Variants in SGK3 observed in about 807,000 individuals in gnomAD.
The protein encoded by SGK3 is serum/glucocorticoid regulated kinase family member 3.
Under a neutral mutation model 68.5 loss-of-function variants are expected in SGK3, and 47 were observed. That is an observed-to-expected ratio of 0.69 (90% CI 0.54 to 0.87). The LOEUF (loss-of-function observed/expected upper bound fraction) is 0.87. Among genes scored for constraint, SGK3 ranks in the 40% least tolerant of loss-of-function variants. The pLI, the probability that SGK3 is intolerant of heterozygous loss-of-function variation, is 0.00. For synonymous variants in SGK3, 181 were observed against 189.1 expected (o/e 0.96, Z 0.35); for missense variants, 479 against 575.5 (o/e 0.83, Z 1.72).
intron 1 of SGK3, among the ~76,000 whole-genome samples, chr8:66,740,617 T>C (rs1805450523): frequency 6.6e-6 from 1 of 152,092 alleles, no homozygotes; most frequent in African/African-American, 2.4e-5. Context: ...CCTTAAAAAG[T>C]AGGCTGAGGC....
chr8:66,718,755 C>T (rs1586666062), intron 1 of SGK3, among the ~76,000 whole-genome samples: 1 of 151,914 alleles, frequency 6.6e-6, no homozygotes, highest in Non-Finnish European at 1.5e-5. Flanking sequence ...CTCAAACTCC[C>T]GACCTCAGAT....
chr8:66,790,031 T>C (rs898615169), intron 1 of SGK3, among the ~76,000 whole-genome samples: 4 of 152,040 alleles, frequency 2.6e-5, no homozygotes, highest in Admixed American at 2.6e-4. Context: ...TGAGCCAAGA[T>C]TGCGCCACTG....
chr8:66,723,102 TATATATATATATATATATATATATA>T (rs1386629399), intron 1 of SGK3, among the ~76,000 whole-genome samples: 6 of 30,498 alleles, frequency 2.0e-4, no homozygotes, highest in Non-Finnish European at 3.6e-4. Context: ...TATATATATA[TATATATATATATATATATATATATA>T]TATATTTTTT....
At chr8:66,800,505 G>A (rs911821326) in intron 3 of SGK3, among the ~76,000 whole-genome samples, 1 of 150,600 alleles carries the variant, frequency 6.6e-6, no homozygotes, top group African/African-American at 2.4e-5. Flanking sequence ...ATAAATATAT[G>A]CCTGTGGGTT....
intron 4 of SGK3, among the ~76,000 whole-genome samples, chr8:66,807,890 T>A (rs1808227943): frequency 6.6e-6 from 1 of 152,162 alleles, no homozygotes; most frequent in Non-Finnish European, 1.5e-5. Flanking sequence ...ATTTTTCCAG[T>A]GGAGCTAGAT....
chr8:66,810,283 A>T (rs930420788), intron 4 of SGK3, among the ~76,000 whole-genome samples: 2 of 152,226 alleles, frequency 1.3e-5, no homozygotes, highest in African/African-American at 2.4e-5. Flanking sequence ...CAGAAAAAAA[A>T]AAAATAAAAG....
At chr8:66,788,032 C>T (rs745635935) in intron 1 of SGK3, among the ~76,000 whole-genome samples, 14 of 152,190 alleles carry the variant, frequency 9.2e-5, no homozygotes, top group Admixed American at 5.9e-4. Flanking sequence ...CACTTCTGGC[C>T]GGTGCCAGCA....
chr8:66,743,466 C>T (rs889891947), intron 1 of SGK3, among the ~76,000 whole-genome samples: 4 of 152,226 alleles, frequency 2.6e-5, no homozygotes. Flanking sequence ...ATTCCACCCT[C>T]CCCACTTCAT....
At chr8:66,760,160 G>A (rs1048897598) in intron 1 of SGK3, among the ~76,000 whole-genome samples, 1 of 152,008 alleles carries the variant, frequency 6.6e-6, no homozygotes, top group Non-Finnish European at 1.5e-5. Context: ...CACTAAGTGA[G>A]TGCCTCAGAA....
chr8:66,765,591 T>G (rs2130473011), intron 1 of SGK3, among the ~76,000 whole-genome samples: 1 of 152,308 alleles, frequency 6.6e-6, no homozygotes, highest in African/African-American at 2.4e-5. Flanking sequence ...GGGCAATACC[T>G]TCTAAGTCCT....
At chr8:66,749,150 T>C (rs1163446066) in intron 1 of SGK3, among the ~76,000 whole-genome samples, 2 of 152,158 alleles carry the variant, frequency 1.3e-5, no homozygotes, top group Non-Finnish European at 2.9e-5. Context: ...ACCCATATTG[T>C]ATTATTCAGA....
intron 8 of SGK3, 117 bp downstream of exon 8, chr8:66,831,428 C>CCCAGGAGTTCAAGTG: frequency 8.0e-7 from 1 of 1,244,950 alleles, no homozygotes; most frequent in Non-Finnish European, 1.1e-6. Context: ...CACACTTGAA[C>CCCAGGAGTTCAAGTG]TCCTGGGCTC....
intron 5 of SGK3, among the ~76,000 whole-genome samples, chr8:66,821,614 A>G (rs111892509): frequency 0.025 from 3,648 of 147,692 alleles, 152 homozygotes; most frequent in African/African-American, 0.085. Context: ...CCGGGCTCAC[A>G]CCATTCTCCT....
chr8:66,740,062 T>C (rs900750081), intron 1 of SGK3, among the ~76,000 whole-genome samples: 1 of 152,154 alleles, frequency 6.6e-6, no homozygotes, highest in Non-Finnish European at 1.5e-5. Flanking sequence ...CAGTTAAATT[T>C]CCATATAAAT....
At chr8:66,761,042 C>T (rs1241596155) in intron 1 of SGK3, among the ~76,000 whole-genome samples, 1 of 151,370 alleles carries the variant, frequency 6.6e-6, no homozygotes, top group Non-Finnish European at 1.5e-5. Context: ...AGGAAATGTA[C>T]TCAAAGGTCA....
At chr8:66,827,128 TC>T (rs1230011475) in intron 6 of SGK3, among the ~76,000 whole-genome samples, 4 of 151,456 alleles carry the variant, frequency 2.6e-5, no homozygotes, top group African/African-American at 4.8e-5. Flanking sequence ...ACGCCTGTAA[TC>T]CCGCCACTTT....
intron 6 of SGK3, among the ~76,000 whole-genome samples, chr8:66,828,151 GA>G (rs773949278): frequency 2.0e-5 from 3 of 151,388 alleles, no homozygotes; most frequent in Non-Finnish European, 4.4e-5. Flanking sequence ...AGAAAGAAAA[GA>G]AAAACACTGC....
Position 66,716,130 on chromosome 8 carries a change from G to A in SGK3, c.-122+3297G>A, listed in dbSNP as rs533268162. Among the ~76,000 whole-genome samples the A allele has an allele frequency of 4.6e-5, 7 of 152,174 alleles. No individual in the cohort carries two copies. The South Asian group carries it at 1.0e-3, about 23-fold the overall frequency. ...TAACAGCTCCCATATTATTTTAAGCGACTCAGTGTCTCTGTTTTCCTTTAC... is the reference window on the plus strand; with the variant it reads ...TAACAGCTCCCATATTATTTTAAGCAACTCAGTGTCTCTGTTTTCCTTTAC... On this transcript the variant is annotated intron_variant, in intron 1 of 16. Transcript: ENST00000521198.
chr8:66,843,396 A>C (rs1437266857), intron 13 of SGK3, 56 bp from the exon 14 acceptor site: 1 of 1,532,608 alleles, frequency 6.5e-7, no homozygotes, highest in East Asian at 2.3e-5. Context: ...AATTATTTAT[A>C]AATTTTGTCT....
Sources: gnomAD v4.1 joint callset for allele counts (sites outside exome capture counted in the v4.1 genomes callset) on GRCh38, gnomAD v4.1.1 for gene constraint, MANE v1.5 for transcripts, NCBI Gene and HGNC (gene_info 2026-07-23, HGNC 2026-07-21) for gene names.